ZBTB26: variants seen among roughly 807,000 people sequenced by gnomAD.
ZBTB26 encodes zinc finger and BTB domain containing 26, also known as zinc finger and BTB domain-containing protein 26.
ZBTB26 carries 12 observed loss-of-function variants against 31.6 expected under a neutral mutation model. That is an observed-to-expected ratio of 0.38 (90% CI 0.24 to 0.61). The LOEUF (loss-of-function observed/expected upper bound fraction) is 0.61, where lower values mean the gene tolerates loss of function less well. Ranked by LOEUF, ZBTB26 falls within the 20% of genes least tolerant of loss-of-function variation. ZBTB26 has a pLI of 0.60. For missense variants in ZBTB26, 311 were observed against 521.9 expected, an observed-to-expected ratio of 0.60 and a Z score of 3.94; for synonymous variants, 155 against 182.9, an observed-to-expected ratio of 0.85 and a Z score of 1.23.
Position 122,916,911 on chromosome 9 carries a change from A to G in ZBTB26, c.*1698T>C, listed in dbSNP as rs1833023909. 1 of 152,208 alleles carries G rather than the reference A, an allele frequency of 6.6e-6. No homozygotes were observed. Among genetic ancestry groups the G allele is most frequent in the South Asian group, 2.1e-4 (1 of 4,830 alleles). The allele number at this position is 152,208 out of a possible 1,614,324, so 9.4% of individuals were successfully genotyped here. A position where few individuals can be genotyped will look rare whatever the true frequency, so the allele number is the denominator to read the frequency against. ...ATTTTTCAAATCTGCATGCACTCTC[A>G]TAGCTCAAAAATAAAAACAGAAAAT... On this transcript the variant is annotated 3_prime_UTR_variant, in exon 2 of 2. Coordinates refer to ENST00000373656, the MANE Select transcript of ZBTB26 (RefSeq NM_020924.4).
Position 122,918,532 on chromosome 9 carries a change from A to G in ZBTB26, c.*77T>C. 6.5e-7 allele frequency: 1 copy of G among 1,534,436 alleles called. No individual in the cohort carries two copies. The highest frequency in any genetic ancestry group is 8.7e-7 in the Non-Finnish European group (1 of 1,146,978). ...ACAGAGGCTTTGGAGAAGTCAAACT[A>G]GCAAAATCACTCCTAAAAAGACTAA... On this transcript the variant is annotated 3_prime_UTR_variant, in exon 2 of 2. Transcript: ENST00000373656.
At chr9:122,920,014 T>C in intron 1 of ZBTB26, 70 bp from the exon 2 acceptor site, 2 of 1,480,692 alleles carry the variant, frequency 1.4e-6, no homozygotes, top group South Asian at 2.8e-5. Flanking sequence ...GGATCTACCT[T>C]CCAAAAACAA....
At chr9:122,930,850 G>A (rs1228341201) in intron 1 of ZBTB26, among the ~76,000 whole-genome samples, 1 of 152,168 alleles carries the variant, frequency 6.6e-6, no homozygotes, top group African/African-American at 2.4e-5. Context: ...ACGGCCCCTT[G>A]AGCAATTAAC....
rs932639172 is a variant in ZBTB26, at chr9:122,915,956, C to A, written c.*2653G>T. The A allele has an allele frequency of 3.9e-5, 6 of 152,168 alleles. No homozygotes were observed. Among genetic ancestry groups the A allele is most frequent in the Admixed American group, 2.0e-4 (3 of 15,280 alleles). The allele number at this position is 152,168 out of a possible 1,614,324, so 9.4% of individuals were successfully genotyped here. On this transcript the variant is annotated 3_prime_UTR_variant, in exon 2 of 2. Coordinates refer to ENST00000373656, the MANE Select transcript of ZBTB26 (RefSeq NM_020924.4). ...AGGTTTTAAAAATCTTCCTCCTCTA[C>A]AGAAATATGACTAGTTTTGAAAGTC...
intron 1 of ZBTB26, among the ~76,000 whole-genome samples, chr9:122,920,729 A>G (rs1282562224): frequency 6.6e-6 from 1 of 152,222 alleles, no homozygotes; most frequent in Non-Finnish European, 1.5e-5. Flanking sequence ...AAAATAAGAT[A>G]CTTGATGTAG....
At chr9:122,923,802 T>G (rs1833137087) in intron 1 of ZBTB26, among the ~76,000 whole-genome samples, 1 of 152,218 alleles carries the variant, frequency 6.6e-6, no homozygotes, top group South Asian at 2.1e-4. Context: ...GAGTGTAGTT[T>G]CATTTAGTCA....
rs1009265494 is a variant in ZBTB26 at position 122,919,848 on chromosome 9, C to T, written c.87G>A (p.Glu29=). 6.2e-7 allele frequency: 1 copy of T among 1,613,504 alleles called. No homozygotes were observed. Among genetic ancestry groups the T allele is most frequent in the East Asian group, 2.2e-5 (1 of 44,866 alleles). ...MLQKMNKLRE[E]NKFCDVTVLI... ...GAACTGTAACATCACAAAATTTATT[C>T]TCTTCTCTTAATTTGTTCATTTTTT... is the stretch of plus-strand genomic sequence containing the variant. Residue 29 remains glutamate, a synonymous_variant, in exon 2 of 2, where the codon GAG becomes GAA. Transcript: ENST00000373656. The surrounding 1 kb of genome is among the most constrained non-coding windows in gnomAD (Gnocchi z 6.1).
At chr9:122,929,835 C>T (rs1055847604) in intron 1 of ZBTB26, among the ~76,000 whole-genome samples, 1 of 152,148 alleles carries the variant, frequency 6.6e-6, no homozygotes, top group African/African-American at 2.4e-5. Flanking sequence ...ACTCTCCCCT[C>T]CCCCAAGTCT....
intron 1 of ZBTB26, among the ~76,000 whole-genome samples, chr9:122,927,672 T>C (rs1833203191): frequency 6.6e-6 from 1 of 152,198 alleles, no homozygotes; most frequent in Non-Finnish European, 1.5e-5. Flanking sequence ...GTTATCAAGC[T>C]TTTGTTTCAA....
Position 122,917,397 on chromosome 9 carries a change from A to T in ZBTB26, c.*1212T>A, listed in dbSNP as rs1295917821. On this transcript the variant is annotated 3_prime_UTR_variant, in exon 2 of 2. Transcript: ENST00000373656. ...AGGACTCTACTAATACTATTACCTAAATCTAACTCATGGGTGAGAAACAAA... is the reference window on the plus strand; with the variant it reads ...AGGACTCTACTAATACTATTACCTATATCTAACTCATGGGTGAGAAACAAA... 1 of 152,196 alleles carries T rather than the reference A, an allele frequency of 6.6e-6. No individual in the cohort carries two copies. Among genetic ancestry groups the T allele is most frequent in the Non-Finnish European group, 1.5e-5 (1 of 68,040 alleles). The allele number at this position is 152,196 out of a possible 1,614,324, so 9.4% of individuals were successfully genotyped here.
At chr9:122,920,965 C>T (rs1833088708) in intron 1 of ZBTB26, among the ~76,000 whole-genome samples, 1 of 152,072 alleles carries the variant, frequency 6.6e-6, no homozygotes, top group African/African-American at 2.4e-5. Flanking sequence ...CTGATTATAC[C>T]CCACCCCTGC....
Position 122,919,033 on chromosome 9 carries a change from A to G in ZBTB26, c.902T>C (p.Leu301Pro). The stretch of plus-strand genomic sequence containing the variant: ...CTGAGTGAAAGTCTTGCCGCAGAGT[A>G]GACACATAAAGAGTTTGTGCATTTT... The part of the protein sequence containing the change: ...HLKMHKLFMC[L>P]LCGKTFTQKG... Residue 301 changes from leucine (L) to proline (P), a missense_variant, in exon 2 of 2, where the codon CTA (leucine) becomes CCA (proline). By Grantham distance (98) the Leu-to-Pro change is moderately conservative (BLOSUM62 -3). Around this residue, in one of 5 missense-constraint regions of ZBTB26, gnomAD observed 207 missense variants for 298.6 expected, o/e 0.69. Transcript: ENST00000373656. The surrounding 1 kb of genome is among the most constrained non-coding windows in gnomAD (Gnocchi z 6.1). The G allele has an allele frequency of 6.2e-7, 1 of 1,614,244 alleles. No individual in the cohort carries two copies. Among genetic ancestry groups the G allele is most frequent in the Non-Finnish European group, 8.5e-7 (1 of 1,180,034 alleles).
At chr9:122,926,961 A>C (rs1453825384) in intron 1 of ZBTB26, among the ~76,000 whole-genome samples, 2 of 152,200 alleles carry the variant, frequency 1.3e-5, no homozygotes, top group Non-Finnish European at 2.9e-5. Flanking sequence ...AAAATCACTC[A>C]GATAATTCTA....
chr9:122,918,293 G>T lies in ZBTB26; in HGVS notation c.*316C>A. The T allele has an allele frequency of 3.7e-6, 1 of 271,764 alleles. No individual in the cohort carries two copies. Among genetic ancestry groups the T allele is most frequent in the Non-Finnish European group, 7.0e-6 (1 of 143,826 alleles). 16.8% of individuals were successfully genotyped at this position (271,764 alleles called of 1,614,324 possible). A position where few individuals can be genotyped will look rare whatever the true frequency, so the allele number is the denominator to read the frequency against. ...CGTTATTAACTTGTTGGTACCTTCG[G>T]AATGTGCCTAGTGAAAAGCCTAAAA... is the stretch of plus-strand genomic sequence containing the variant. On this transcript the variant is annotated 3_prime_UTR_variant, in exon 2 of 2. Coordinates refer to ENST00000373656, the MANE Select transcript of ZBTB26 (RefSeq NM_020924.4).
In ZBTB26 at chr9:122,917,628, G is replaced by A. The variant is rs139600490; in HGVS notation, c.*981C>T. 79 of 152,114 alleles carry A rather than the reference G, an allele frequency of 5.2e-4. No individual in the cohort carries two copies. Among genetic ancestry groups the A allele is most frequent in the African/African-American group, 1.7e-3 (70 of 41,526 alleles). The allele number at this position is 152,114 out of a possible 1,614,324, so 9.4% of individuals were successfully genotyped here. A position where few individuals can be genotyped will look rare whatever the true frequency, so the allele number is the denominator to read the frequency against. ...TTTATCATCCGTTTTAGAAATTAAG[G>A]TACATGAGGAAACGAAAATTCAGAG... is the stretch of plus-strand genomic sequence containing the variant. On this transcript the variant is annotated 3_prime_UTR_variant, in exon 2 of 2. Transcript: ENST00000373656.
chr9:122,928,954 T>C (rs1833226601), intron 1 of ZBTB26, among the ~76,000 whole-genome samples: 1 of 152,136 alleles, frequency 6.6e-6, no homozygotes, highest in African/African-American at 2.4e-5. Context: ...ATAATATGGA[T>C]GGAGAGGGGA....
rs770119145 is a variant in ZBTB26 at position 122,919,396 on chromosome 9, A to G, written c.539T>C (p.Ile180Thr). Residue 180 changes from isoleucine to threonine, a missense_variant, in exon 2 of 2, where the codon ATT becomes ACT. Ile to Thr is a moderately conservative substitution (Grantham distance 89). Around this residue, in one of 5 missense-constraint regions of ZBTB26, gnomAD observed 207 missense variants for 298.6 expected, o/e 0.69. Coordinates refer to ENST00000373656, the MANE Select transcript of ZBTB26 (RefSeq NM_020924.4). This position sits in a 1 kb window ranked among gnomAD's most constrained non-coding sequence, Gnocchi z 6.1. Reference sequence around the variant, plus strand: ...AATAGATTCTACCTTAACAATCTGAATATCACTGTCCTCCATATCCATACT... The same window carrying G: ...AATAGATTCTACCTTAACAATCTGAGTATCACTGTCCTCCATATCCATACT... ...EDSMDMEDSDIQIVKVESIGD... is the reference protein window; with the variant it reads ...EDSMDMEDSDTQIVKVESIGD... The G allele has an allele frequency of 1.9e-6, 3 of 1,614,078 alleles. No individual in the cohort carries two copies. The highest frequency in any genetic ancestry group is 1.3e-5 in the African/African-American group (1 of 74,918).
chr9:122,919,890 A>G lies in ZBTB26; in HGVS notation c.45T>C (p.Tyr15=), dbSNP rs755171770. Residue 15 remains tyrosine (Y), a synonymous_variant, in exon 2 of 2, where the codon TAT becomes TAC. Coordinates refer to ENST00000373656, the MANE Select transcript of ZBTB26 (RefSeq NM_020924.4). The surrounding 1 kb of genome is among the most constrained non-coding windows in gnomAD (Gnocchi z 6.1). ...TCATTTTTTGTAACATTGAATCTCC[A>G]TAATTTTCAAACTTGAAGTGAAGGA... is the stretch of plus-strand genomic sequence containing the variant. ...SDLLHFKFEN[Y]GDSMLQKMNK... is the part of the protein sequence containing the mutation. 3.1e-6 allele frequency: 5 copies of G among 1,607,414 alleles called. No homozygotes were observed. Among genetic ancestry groups the G allele is most frequent in the Admixed American group, 3.4e-5 (2 of 59,138 alleles).
chr9:122,926,997 G>A (rs559134188), intron 1 of ZBTB26, among the ~76,000 whole-genome samples: 15 of 152,318 alleles, frequency 9.8e-5, no homozygotes, highest in African/African-American at 3.4e-4. Flanking sequence ...TCTTGTAACT[G>A]AAGGAAAGTA....
Sources: allele counts gnomAD v4.1 joint callset (sites outside exome capture counted in the v4.1 genomes callset), GRCh38; gene constraint gnomAD v4.1.1; regional missense constraint gnomAD v4.1.1; non-coding constraint Gnocchi (gnomAD v3.1); transcripts MANE v1.5; gene names NCBI Gene and HGNC (gene_info 2026-07-23, HGNC 2026-07-21).